Variants in CYP2C8 observed in about 807,000 individuals in gnomAD.
The protein encoded by CYP2C8 is cytochrome P450 family 2 subfamily C member 8.
A neutral mutation model predicts 41.3 loss-of-function variants in CYP2C8; 51 were observed. That is an observed-to-expected ratio of 1.24 (90% CI 0.99 to 1.56). CYP2C8 has a LOEUF of 1.56. CYP2C8 is among the 40% of genes most tolerant of loss of function. The pLI is 0.00. For missense variants in CYP2C8, 651 were observed against 579.9 expected (o/e 1.12, Z -1.26); for synonymous variants, 218 against 205.8 (o/e 1.06, Z -0.51).
chr10:95,056,572 AAAC>A (rs2033318283), intron 5 of CYP2C8, among the ~76,000 whole-genome samples: 2 of 152,214 alleles, frequency 1.3e-5, no homozygotes, highest in Non-Finnish European at 1.5e-5. Context: ...GAACCACACA[AAAC>A]AACAAAGTAC....
In CYP2C8 at chr10:95,037,182, G is replaced by C; in HGVS notation, c.1419C>G (p.Thr473=). 2 of 1,613,880 alleles carry C rather than the reference G, an allele frequency of 1.2e-6. No homozygotes were observed. Among genetic ancestry groups the C allele is most frequent in the Non-Finnish European group, 1.7e-6 (2 of 1,179,854 alleles). ...DLKNLNTTAV[T]KGIVSLPPSY... is the part of the protein sequence containing the mutation. ...AGGGTGGCAGAGAAACAATCCCTTTGGTAACTGCAGTAGTATTGAGGTTCT... is the reference window on the plus strand; with the variant it reads ...AGGGTGGCAGAGAAACAATCCCTTTCGTAACTGCAGTAGTATTGAGGTTCT... Residue 473 remains threonine (T), a synonymous_variant, in exon 9 of 9, where the codon ACC becomes ACG. Transcript: ENST00000371270.
intron 4 of CYP2C8, among the ~76,000 whole-genome samples, chr10:95,059,598 A>G (rs917790157): frequency 1.2e-4 from 19 of 152,054 alleles, no homozygotes; most frequent in Non-Finnish European, 2.4e-4. Flanking sequence ...TAGGATGCCT[A>G]TTCACTCTGA....
chr10:95,064,793 G>C lies in CYP2C8; in HGVS notation c.642+7C>G. On this transcript the variant is annotated splice_region_variant and intron_variant, in intron 4 of 8. Transcript: ENST00000371270. ...GGTTTCCAAGGAAAATAAAATCTTG[G>C]CCTTACCTGGATCCATGGGGAGTTC... 6.2e-7 allele frequency: 1 copy of C among 1,613,216 alleles called. No individual in the cohort carries two copies. Among genetic ancestry groups the C allele is most frequent in the Non-Finnish European group, 8.5e-7 (1 of 1,179,560 alleles).
chr10:95,039,380 TA>T (rs2032952256), intron 7 of CYP2C8: 1 of 307,418 alleles, frequency 3.3e-6, no homozygotes, highest in Non-Finnish European at 6.2e-6. Flanking sequence ...GATTATGGTT[TA>T]AAATGGAAGT....
chr10:95,052,184 C>A (rs554591923), intron 5 of CYP2C8, among the ~76,000 whole-genome samples: 1 of 152,054 alleles, frequency 6.6e-6, no homozygotes, highest in East Asian at 1.9e-4. Context: ...CAACTATATA[C>A]CAATAAATTG....
At chr10:95,039,238 C>T (rs1246172400) in intron 7 of CYP2C8, 200 bp from the exon 8 acceptor site, 3 of 578,638 alleles carry the variant, frequency 5.2e-6, no homozygotes, top group Non-Finnish European at 9.3e-6. Context: ...TGAAGTCTTA[C>T]ATCTTGGATA....
In CYP2C8 at chr10:95,042,986, T is replaced by G; in HGVS notation, c.1053A>C (p.Val351=). The stretch of plus-strand genomic sequence containing the variant: ...CACTGTATCTCTGGATCTCGTGCAC[T>G]ACAGCATCAGTGTAAGGCATGTGGC... ...DRSHMPYTDA[V]VHEIQRYSDL... is the part of the protein sequence containing the mutation. Residue 351 remains valine, a synonymous_variant, in exon 7 of 9, where the codon GTA becomes GTC. Coordinates refer to ENST00000371270, the MANE Select transcript of CYP2C8 (RefSeq NM_000770.3). The G allele has an allele frequency of 1.2e-6, 2 of 1,614,204 alleles. No individual in the cohort carries two copies. The highest frequency in any genetic ancestry group is 1.7e-6 in the Non-Finnish European group (2 of 1,180,002).
chr10:95,056,947 A>G lies in CYP2C8; in HGVS notation c.819+1388T>C, dbSNP rs367593274. Among the ~76,000 whole-genome samples, 6 of 152,302 alleles carry G rather than the reference A, an allele frequency of 3.9e-5. No individual in the cohort carries two copies. The East Asian group carries it at 5.8e-4, about 15-fold the overall frequency. On this transcript the variant is annotated intron_variant, in intron 5 of 8. Coordinates refer to ENST00000371270, the MANE Select transcript of CYP2C8 (RefSeq NM_000770.3). ...ACAGCTTTGTTGAACAGGCAGTGGT[A>G]CAGCTCTGCGAGGGCTCCTGCAGAG...
intron 4 of CYP2C8, among the ~76,000 whole-genome samples, chr10:95,063,423 G>T (rs1336307517): frequency 6.6e-6 from 1 of 152,058 alleles, no homozygotes; most frequent in Non-Finnish European, 1.5e-5. Flanking sequence ...TCTTCCATTT[G>T]ATTGAATCAA....
chr10:95,051,030 G>A (rs1447236650), intron 5 of CYP2C8, among the ~76,000 whole-genome samples: 1 of 152,170 alleles, frequency 6.6e-6, no homozygotes, highest in East Asian at 1.9e-4. Context: ...GAGAAACAGA[G>A]ATGTGTGATC....
intron 3 of CYP2C8, among the ~76,000 whole-genome samples, chr10:95,065,612 C>CT (rs1378509863): frequency 6.6e-6 from 1 of 152,040 alleles, no homozygotes; most frequent in African/African-American, 2.4e-5. Flanking sequence ...TAAATGGAAT[C>CT]TTTTTATTTA....
intron 4 of CYP2C8, among the ~76,000 whole-genome samples, chr10:95,059,118 C>T (rs1250692414): frequency 6.6e-6 from 1 of 152,166 alleles, no homozygotes; most frequent in African/African-American, 2.4e-5. Flanking sequence ...GTGCATGTGT[C>T]TTTAAAGCAG....
intron 8 of CYP2C8, 103 bp downstream of exon 8, chr10:95,038,794 A>G: frequency 9.2e-7 from 1 of 1,087,944 alleles, no homozygotes. Flanking sequence ...TCATGGACAA[A>G]TAGCAATTCT....
intron 2 of CYP2C8, 34 bp from the exon 3 acceptor site, chr10:95,067,391 C>T: frequency 1.2e-6 from 2 of 1,614,108 alleles, no homozygotes; most frequent in Non-Finnish European, 1.7e-6. Flanking sequence ...TGGGAGAATT[C>T]ACAGCCAAGG....
At chr10:95,055,475 A>G (rs767685294) in intron 5 of CYP2C8, among the ~76,000 whole-genome samples, 1 of 152,202 alleles carries the variant, frequency 6.6e-6, no homozygotes, top group Non-Finnish European at 1.5e-5. Context: ...GCAAAATATA[A>G]CTGAAAGTGA....
At chr10:95,042,692 CACCT>C (rs1330548417) in intron 7 of CYP2C8, among the ~76,000 whole-genome samples, 194 bp downstream of exon 7, 10 of 152,140 alleles carry the variant, frequency 6.6e-5, no homozygotes, top group African/African-American at 2.2e-4. Context: ...GAAAGTGTAA[CACCT>C]AAGAGCAGCC....
intron 5 of CYP2C8, among the ~76,000 whole-genome samples, chr10:95,057,727 T>C (rs1227547297): frequency 6.6e-6 from 1 of 152,172 alleles, no homozygotes; most frequent in African/African-American, 2.4e-5. Context: ...TTTCAATAAA[T>C]AGTTCAATGA....
chr10:95,062,157 C>T (rs564640397), intron 4 of CYP2C8, among the ~76,000 whole-genome samples: 405 of 152,148 alleles, frequency 2.7e-3, no homozygotes, highest in African/African-American at 7.9e-3. Context: ...CTATTAGGTC[C>T]GCTTGGTGCA....
rs747718644 is a variant in CYP2C8 at position 95,058,402 on chromosome 10, T to G, written c.752A>C (p.His251Pro). The G allele has an allele frequency of 1.1e-5, 18 of 1,613,456 alleles. No homozygotes were observed. The highest frequency in any genetic ancestry group is 1.5e-5 in the Non-Finnish European group (18 of 1,179,720). ...RSYIREKVKE[H>P]QASLDVNNPR... ...ATTGTTAACATCCAGTGATGCTTGG[T>G]GTTCTTTTACTTTCTCCCTAATGTA... is the stretch of plus-strand genomic sequence containing the variant. Residue 251 changes from histidine (H) to proline (P), a missense_variant, in exon 5 of 9, where the codon CAC becomes CCC. Transcript: ENST00000371270.
Sources: gnomAD v4.1 joint callset for allele counts (sites outside exome capture counted in the v4.1 genomes callset) on GRCh38, gnomAD v4.1.1 for gene constraint, MANE v1.5 for transcripts, NCBI Gene and HGNC (gene_info 2026-07-23, HGNC 2026-07-21) for gene names.